Variants in SEC31A observed in about 807,000 individuals in gnomAD.
The protein encoded by SEC31A is SEC31 homolog A, COPII component, also known as protein transport protein Sec31A.
Under a neutral mutation model 151.0 loss-of-function variants are expected in SEC31A, and 70 were observed. That is an observed-to-expected ratio of 0.46 (90% CI 0.38 to 0.57). SEC31A has a LOEUF of 0.57. SEC31A is among the 20% of genes least tolerant of loss of function. The pLI, the probability that SEC31A is intolerant of heterozygous loss-of-function variation, is 0.00. For missense variants in SEC31A, 1,330 were observed against 1,471.2 expected, an observed-to-expected ratio of 0.90 and a Z score of 1.57; for synonymous variants, 475 against 505.9, an observed-to-expected ratio of 0.94 and a Z score of 0.82.
intron 4 of SEC31A, among the ~76,000 whole-genome samples, chr4:82,878,277 C>T (rs55967675): frequency 0.28 from 42,672 of 151,654 alleles, 7,174 homozygotes; most frequent in East Asian, 0.49. Flanking sequence ...GGGCGGATCA[C>T]AAGGTCAAGA....
At chr4:82,845,903 C>T (rs1730009889) in intron 20 of SEC31A, among the ~76,000 whole-genome samples, 1 of 152,294 alleles carries the variant, frequency 6.6e-6, no homozygotes, top group East Asian at 1.9e-4. Flanking sequence ...AGGGACCGTA[C>T]AACTCAATGG....
intron 7 of SEC31A, 91 bp from the exon 8 acceptor site, chr4:82,870,515 T>C: frequency 2.0e-6 from 2 of 1,010,440 alleles, no homozygotes; most frequent in Non-Finnish European, 3.0e-6. Flanking sequence ...ATTCACACAT[T>C]GTTAACAGAA....
At chr4:82,862,403 T>C in intron 13 of SEC31A, 131 bp downstream of exon 13, 1 of 631,832 alleles carries the variant, frequency 1.6e-6, no homozygotes, top group Non-Finnish European at 2.8e-6. Context: ...ATTAATTTAT[T>C]AAAATATCTA....
At chr4:82,890,990 G>A in intron 1 of SEC31A, 98 bp downstream of exon 1, 5 of 1,512,720 alleles carry the variant, frequency 3.3e-6, no homozygotes, top group Non-Finnish European at 3.5e-6. Flanking sequence ...GCTGGTGCGG[G>A]GCAGCGGAGA....
intron 26 of SEC31A, among the ~76,000 whole-genome samples, chr4:82,820,201 T>C (rs1723039854): frequency 6.9e-6 from 1 of 144,576 alleles, no homozygotes; most frequent in Non-Finnish European, 1.5e-5. Flanking sequence ...ACTCCTGGGC[T>C]CCAGTGATCC....
In SEC31A at chr4:82,876,435, A is replaced by T. The variant is rs1488219124; in HGVS notation, c.403-613T>A. On this transcript the variant is annotated intron_variant, in intron 4 of 26. Transcript: ENST00000395310. ...GGATAAATTCTTAATCAGTCATGCA[A>T]CCATGTGAGGATTACTGTTTGTATC... 3.9e-5 allele frequency among the ~76,000 whole-genome samples: 6 copies of T among 152,314 alleles called. No homozygotes were observed. In the East Asian group the frequency reaches 1.2e-3, roughly 29 times the overall value.
chr4:82,890,088 T>C (rs1389239361), intron 1 of SEC31A, among the ~76,000 whole-genome samples: 2 of 147,682 alleles, frequency 1.4e-5, no homozygotes, highest in East Asian at 3.9e-4. Context: ...ATTAGACAGG[T>C]GTGGTGGTGG....
At chr4:82,870,539 C>T (rs1736418544) in intron 7 of SEC31A, 115 bp from the exon 8 acceptor site, 1 of 836,616 alleles carries the variant, frequency 1.2e-6, no homozygotes, top group Non-Finnish European at 1.9e-6. Flanking sequence ...CAATTAAATG[C>T]AAGAGTTTCA....
intron 10 of SEC31A, among the ~76,000 whole-genome samples, chr4:82,865,570 A>G (rs1438404888): frequency 1.4e-4 from 6 of 44,296 alleles, no homozygotes; most frequent in Admixed American, 2.5e-4. Context: ...ATATATATAT[A>G]TATATATATA....
Position 82,842,380 on chromosome 4 carries a change from T to C in SEC31A, c.2728A>G (p.Thr910Ala), listed in dbSNP as rs199615281. 7.4e-6 allele frequency: 12 copies of C among 1,613,462 alleles called. No homozygotes were observed. The highest frequency in any genetic ancestry group is 1.6e-4 in the Middle Eastern group (1 of 6,084). ...APPTSNAYPN[T>A]PYISSASSYT... The stretch of plus-strand genomic sequence containing the variant: ...GAAGAAGCAGAAGATATGTAAGGGG[T>C]GTTAGGGTAAGCGTTTGAAGTAGGA... Residue 910 changes from threonine (T) to alanine (A), a missense_variant, in exon 22 of 27, where the codon ACC (threonine) becomes GCC (alanine). Thr to Ala is a moderately conservative substitution (Grantham distance 58). Transcript: ENST00000395310.
intron 22 of SEC31A, among the ~76,000 whole-genome samples, chr4:82,832,169 T>G (rs761425947): frequency 2.3e-4 from 35 of 152,274 alleles, no homozygotes; most frequent in Admixed American, 3.9e-4. Flanking sequence ...ACTACAAGGC[T>G]ACAGTAACCA....
At chr4:82,880,026 A>G (rs944195527) in intron 3 of SEC31A, among the ~76,000 whole-genome samples, 1 of 152,086 alleles carries the variant, frequency 6.6e-6, no homozygotes, top group African/African-American at 2.4e-5. Flanking sequence ...AAAGAACTCT[A>G]TACAAAATTA....
At chr4:82,853,759 T>A (rs1407468049) in intron 17 of SEC31A, 44 bp from the exon 18 acceptor site, 8 of 1,506,316 alleles carry the variant, frequency 5.3e-6, no homozygotes, top group Non-Finnish European at 7.3e-6. Context: ...CCCAAGGCAA[T>A]CTGTATATGA....
At chr4:82,887,864 GTGAAACCCCGTC>G (rs1741105875) in intron 1 of SEC31A, among the ~76,000 whole-genome samples, 1 of 151,416 alleles carries the variant, frequency 6.6e-6, no homozygotes, top group African/African-American at 2.4e-5. Flanking sequence ...CGAGACCACG[GTGAAACCCCGTC>G]TCTACTAAAA....
At chr4:82,829,115 A>T in intron 22 of SEC31A, 57 bp from the exon 23 acceptor site, 1 of 1,401,970 alleles carries the variant, frequency 7.1e-7, no homozygotes, top group East Asian at 2.3e-5. Context: ...AAAAAAATAA[A>T]ACTGAATCGA....
intron 4 of SEC31A, chr4:82,877,924 T>G (rs997819393): frequency 1.3e-5 from 2 of 152,114 alleles, no homozygotes; most frequent in Non-Finnish European, 2.9e-5. Context: ...ACTCCTGACC[T>G]CATGATCTGT....
At chr4:82,845,248 T>C in intron 20 of SEC31A, 1 of 1,534,798 alleles carries the variant, frequency 6.5e-7, no homozygotes, top group Non-Finnish European at 8.7e-7. Flanking sequence ...GGAAGGGCAG[T>C]AGGAGTTTTG....
At chr4:82,867,024 T>C (rs1735564099) in intron 9 of SEC31A, 64 bp from the exon 10 acceptor site, 6 of 1,573,382 alleles carry the variant, frequency 3.8e-6, no homozygotes, top group East Asian at 2.2e-5. Flanking sequence ...TTTCCAGTCA[T>C]ATCCAAAAAA....
At chr4:82,854,562 A>G (rs187231397) in intron 17 of SEC31A, among the ~76,000 whole-genome samples, 86 of 152,182 alleles carry the variant, frequency 5.7e-4, no homozygotes, top group Non-Finnish European at 7.2e-4. Context: ...ATCATAGCTA[A>G]TATTTATTAA....
Sources: allele counts gnomAD v4.1 joint callset (sites outside exome capture counted in the v4.1 genomes callset), GRCh38; gene constraint gnomAD v4.1.1; transcripts MANE v1.5; gene names NCBI Gene and HGNC (gene_info 2026-07-23, HGNC 2026-07-21).